LUZP2: variants seen among roughly 807,000 people sequenced by gnomAD.
LUZP2 encodes the protein leucine zipper protein 2.
In LUZP2, 52 loss-of-function variants were observed where a neutral mutation model predicts 51.6. The ratio of observed to expected loss-of-function variants is 1.01; its 90% confidence interval spans 0.81 to 1.27. LUZP2 has a LOEUF of 1.27. Among genes scored for constraint, LUZP2 ranks in the 50% most tolerant of loss-of-function variants. The pLI, the probability that LUZP2 is intolerant of heterozygous loss-of-function variation, is 0.00. For missense variants in LUZP2, 436 were observed against 395.4 expected, an observed-to-expected ratio of 1.10 and a Z score of -0.87; for synonymous variants, 154 against 137.3, an observed-to-expected ratio of 1.12 and a Z score of -0.85.
chr11:24,576,115 TA>T, intron 1 of LUZP2, among the ~76,000 whole-genome samples: 1 of 152,218 alleles, frequency 6.6e-6, no homozygotes, highest in African/African-American at 2.4e-5. Context: ...TACATTTTTC[TA>T]ATTTAAAAAA....
chr11:24,810,184 C>A (rs1407260484), intron 5 of LUZP2, among the ~76,000 whole-genome samples: 4 of 151,874 alleles, frequency 2.6e-5, no homozygotes, highest in Non-Finnish European at 5.9e-5. Flanking sequence ...CTGAGGAAGT[C>A]AAAGAAGAAA....
At chr11:24,918,836 G>A (rs990894591) in intron 7 of LUZP2, among the ~76,000 whole-genome samples, 2 of 81,158 alleles carry the variant, frequency 2.5e-5, no homozygotes, top group Non-Finnish European at 4.6e-5. Flanking sequence ...TATCTCCATT[G>A]GAATACATCT....
chr11:24,983,869 G>T (rs1231211990), intron 9 of LUZP2, among the ~76,000 whole-genome samples: 1 of 150,228 alleles, frequency 6.7e-6, no homozygotes, highest in East Asian at 2.0e-4. Context: ...AAAGTCCCAG[G>T]GGATTTTAAG....
chr11:24,871,432 A>G (rs1852068277), intron 5 of LUZP2, among the ~76,000 whole-genome samples: 1 of 152,026 alleles, frequency 6.6e-6, no homozygotes, highest in Non-Finnish European at 1.5e-5. Context: ...CAGTTATCAT[A>G]TTTACCTGAT....
chr11:25,008,027 T>C (rs1029533647), intron 9 of LUZP2, among the ~76,000 whole-genome samples: 5 of 152,328 alleles, frequency 3.3e-5, no homozygotes, highest in African/African-American at 1.2e-4. Context: ...AACGTTCATT[T>C]AAATAGAAAT....
At chr11:24,935,244 G>A (rs1173170695) in intron 7 of LUZP2, among the ~76,000 whole-genome samples, 1 of 152,096 alleles carries the variant, frequency 6.6e-6, no homozygotes, top group East Asian at 1.9e-4. Context: ...TTAACTTTAT[G>A]CTAAGTAGAG....
chr11:24,730,527 G>C (rs1858675983), intron 2 of LUZP2, among the ~76,000 whole-genome samples: 2 of 151,812 alleles, frequency 1.3e-5, no homozygotes, highest in African/African-American at 4.8e-5. Flanking sequence ...AACTCACAAG[G>C]ATGAAAAGAA....
chr11:24,552,124 T>G (rs1360151230), intron 1 of LUZP2, among the ~76,000 whole-genome samples: 2 of 152,020 alleles, frequency 1.3e-5, no homozygotes, highest in Non-Finnish European at 2.9e-5. Flanking sequence ...TATAGGGACA[T>G]GAAGAAAGAA....
At chr11:24,589,057 T>G (rs993713114) in intron 1 of LUZP2, among the ~76,000 whole-genome samples, 6 of 152,216 alleles carry the variant, frequency 3.9e-5, no homozygotes, top group East Asian at 1.9e-4. Context: ...CATTCTGCTC[T>G]TCCACTTCAT....
intron 1 of LUZP2, among the ~76,000 whole-genome samples, chr11:24,633,333 T>C (rs1178092593): frequency 6.6e-6 from 1 of 151,966 alleles, no homozygotes; most frequent in Non-Finnish European, 1.5e-5. Context: ...TCCAAATATA[T>C]AAAGTTGACT....
At chr11:24,711,820 C>A (rs2133932577) in intron 1 of LUZP2, among the ~76,000 whole-genome samples, 1 of 152,206 alleles carries the variant, frequency 6.6e-6, no homozygotes, top group South Asian at 2.1e-4. Flanking sequence ...AAATTTTTCC[C>A]CTTACTAACA....
chr11:24,538,754 G>A (rs1281689198), intron 1 of LUZP2, among the ~76,000 whole-genome samples: 7 of 151,468 alleles, frequency 4.6e-5, no homozygotes, highest in South Asian at 2.1e-4. Context: ...GCAGAATCAC[G>A]TAAGTAAAAT....
In LUZP2 at chr11:25,078,497, T is replaced by C. The variant is rs182797766; in HGVS notation, c.937-57T>C. 7.1e-4 allele frequency: 979 copies of C among 1,386,884 alleles called. 5 individuals are homozygous for C. In the African/African-American group the frequency reaches 0.013, roughly 18 times the overall value. 85.9% of individuals were successfully genotyped at this position (1,386,884 alleles called of 1,614,324 possible). A position where few individuals can be genotyped will look rare whatever the true frequency, so the allele number is the denominator to read the frequency against. On this transcript the variant is annotated intron_variant, in intron 11 of 11. Coordinates refer to ENST00000336930, the MANE Select transcript of LUZP2 (RefSeq NM_001009909.4). ...TTATTCTTTTAGACTTTTCAATTTTTACCTTAAAATGTGTTATTTTGATTC... is the reference window on the plus strand; with the variant it reads ...TTATTCTTTTAGACTTTTCAATTTTCACCTTAAAATGTGTTATTTTGATTC...
chr11:24,674,214 C>T (rs1182818814), intron 1 of LUZP2, among the ~76,000 whole-genome samples: 2 of 152,028 alleles, frequency 1.3e-5, no homozygotes, highest in African/African-American at 4.8e-5. Flanking sequence ...TCTACTTGAC[C>T]TTTTCTCAGT....
intron 7 of LUZP2, among the ~76,000 whole-genome samples, chr11:24,937,073 T>C (rs143610159): frequency 1.6e-4 from 23 of 140,672 alleles, no homozygotes; most frequent in Non-Finnish European, 2.5e-4. Flanking sequence ...CACACACACA[T>C]GAGTAAAAGT....
intron 1 of LUZP2, among the ~76,000 whole-genome samples, chr11:24,585,945 C>T (rs141195983): frequency 6.6e-6 from 1 of 152,252 alleles, no homozygotes; most frequent in African/African-American, 2.4e-5. Flanking sequence ...AAATGAACCA[C>T]AAGGAATTTA....
At chr11:25,002,382 C>G (rs1301227274) in intron 9 of LUZP2, among the ~76,000 whole-genome samples, 2 of 152,150 alleles carry the variant, frequency 1.3e-5, no homozygotes, top group Non-Finnish European at 2.9e-5. Flanking sequence ...CAGTCATGCT[C>G]AATTGGTTCC....
intron 1 of LUZP2, among the ~76,000 whole-genome samples, chr11:24,695,595 TTTTC>T (rs1186318749): frequency 2.0e-5 from 3 of 152,054 alleles, no homozygotes; most frequent in Non-Finnish European, 4.4e-5. Context: ...TTTTTACTCA[TTTTC>T]TTAATTATAT....
chr11:25,023,283 T>C (rs527484910), intron 9 of LUZP2, among the ~76,000 whole-genome samples: 1 of 151,190 alleles, frequency 6.6e-6, no homozygotes, highest in Non-Finnish European at 1.5e-5. Flanking sequence ...AATCCCGGAC[T>C]TTTTTTTTGG....
Sources: allele counts gnomAD v4.1 joint callset (sites outside exome capture counted in the v4.1 genomes callset), GRCh38; gene constraint gnomAD v4.1.1; transcripts MANE v1.5; gene names NCBI Gene and HGNC (gene_info 2026-07-23, HGNC 2026-07-21).